The following SPOCK3 variants were observed in gnomAD, a reference collection of about 807,000 sequenced individuals.
SPOCK3 encodes the protein SPARC (osteonectin), cwcv and kazal like domains proteoglycan 3, also known as testican-3.
In SPOCK3, 30 loss-of-function variants were observed where a neutral mutation model predicts 56.6. That is an observed-to-expected ratio of 0.53 (90% CI 0.40 to 0.72). The LOEUF is 0.72. Ranked by LOEUF, SPOCK3 falls within the 30% of genes least tolerant of loss-of-function variation. The probability of loss-of-function intolerance (pLI) is 0.00; values close to 1 mark genes in which losing one functional copy is unlikely to be tolerated. For synonymous variants in SPOCK3, 196 were observed against 183.3 expected, an observed-to-expected ratio of 1.07 and a Z score of -0.56; for missense variants, 527 against 530.0, an observed-to-expected ratio of 0.99 and a Z score of 0.06.
At chr4:167,044,751 C>T (rs1367033362) in intron 3 of SPOCK3, among the ~76,000 whole-genome samples, 1 of 152,014 alleles carries the variant, frequency 6.6e-6, no homozygotes, top group Non-Finnish European at 1.5e-5. Flanking sequence ...TTGATTTCAA[C>T]TTTAATTCCA....
intron 4 of SPOCK3, among the ~76,000 whole-genome samples, chr4:166,922,112 C>T (rs1738560588): frequency 6.6e-6 from 1 of 152,090 alleles, no homozygotes; most frequent in Non-Finnish European, 1.5e-5. Context: ...GTGTTGCCCT[C>T]CTTATGAGAA....
intron 2 of SPOCK3, among the ~76,000 whole-genome samples, chr4:167,147,592 A>G (rs540504638): frequency 6.6e-6 from 1 of 152,342 alleles, no homozygotes; most frequent in African/African-American, 2.4e-5. Context: ...TGGATAAAGA[A>G]AATGTGGCAC....
intron 2 of SPOCK3, among the ~76,000 whole-genome samples, chr4:167,223,562 G>A (rs1006699948): frequency 1.3e-5 from 2 of 151,874 alleles, no homozygotes; most frequent in Admixed American, 1.3e-4. Context: ...AGCCCTGACT[G>A]ATACTAGCTG....
intron 2 of SPOCK3, among the ~76,000 whole-genome samples, chr4:167,150,632 T>A (rs567124288): frequency 6.6e-6 from 1 of 152,284 alleles, no homozygotes; most frequent in South Asian, 2.1e-4. Flanking sequence ...TTGTGATAAA[T>A]CACTATAGTG....
chr4:166,950,930 A>T (rs2150035766), intron 4 of SPOCK3, among the ~76,000 whole-genome samples: 1 of 137,932 alleles, frequency 7.2e-6, no homozygotes, highest in Non-Finnish European at 1.5e-5. Context: ...GGACACATTC[A>T]AAGCAGTGTG....
intron 4 of SPOCK3, among the ~76,000 whole-genome samples, chr4:166,989,371 T>A (rs2150108629): frequency 6.6e-6 from 1 of 152,222 alleles, no homozygotes; most frequent in East Asian, 1.9e-4. Flanking sequence ...GACCTAAGGC[T>A]TAAATTAATA....
intron 6 of SPOCK3, 151 bp from the exon 7 acceptor site, chr4:166,792,440 C>A: frequency 2.9e-6 from 2 of 690,990 alleles, no homozygotes; most frequent in Non-Finnish European, 2.4e-6. Context: ...AAATATATGC[C>A]TTAAAATAAG....
At chr4:167,113,656 G>A (rs1247282705) in intron 2 of SPOCK3, among the ~76,000 whole-genome samples, 7 of 152,034 alleles carry the variant, frequency 4.6e-5, no homozygotes, top group Admixed American at 3.9e-4. Context: ...TACATGCCAA[G>A]TTTCAAGCAA....
chr4:166,784,429 A>G (rs961059252), intron 7 of SPOCK3, among the ~76,000 whole-genome samples: 7 of 152,146 alleles, frequency 4.6e-5, no homozygotes, highest in African/African-American at 1.7e-4. Context: ...GTAATACTTA[A>G]GCATATAATT....
intron 4 of SPOCK3, among the ~76,000 whole-genome samples, chr4:166,997,825 C>T (rs1471333972): frequency 3.9e-5 from 6 of 152,214 alleles, no homozygotes; most frequent in East Asian, 1.9e-4. Flanking sequence ...GAAGAAACAG[C>T]GGGTTTCCTT....
At chr4:167,033,320 G>T (rs2150184782) in intron 3 of SPOCK3, among the ~76,000 whole-genome samples, 1 of 150,238 alleles carries the variant, frequency 6.7e-6, no homozygotes, top group Non-Finnish European at 1.5e-5. Context: ...TAATTCTGGG[G>T]TAAAACAATT....
At chr4:167,171,792 C>T (rs939439689) in intron 2 of SPOCK3, among the ~76,000 whole-genome samples, 2 of 151,782 alleles carry the variant, frequency 1.3e-5, no homozygotes, top group African/African-American at 4.8e-5. Flanking sequence ...TTAGGCATCA[C>T]TATCATGATT....
intron 6 of SPOCK3, among the ~76,000 whole-genome samples, chr4:166,850,508 G>A (rs1020404008): frequency 8.5e-5 from 13 of 152,328 alleles, no homozygotes; most frequent in Middle Eastern, 6.8e-3. Context: ...AGCTCCCAGC[G>A]TGAGCAACGC....
intron 7 of SPOCK3, among the ~76,000 whole-genome samples, chr4:166,769,413 C>A (rs1174263960): frequency 6.6e-6 from 1 of 152,176 alleles, no homozygotes; most frequent in Non-Finnish European, 1.5e-5. Flanking sequence ...ACAGTCAGAA[C>A]CCTCAGCTGC....
rs142123328 is a variant in SPOCK3, at chr4:167,007,179, C to G, written c.236-6716G>C. Reference sequence around the variant, plus strand: ...TAATACCCTGGCTTCTGGCTCTATTCTTCTGTGGCTAACACAGTATATATA... The same window carrying G: ...TAATACCCTGGCTTCTGGCTCTATTGTTCTGTGGCTAACACAGTATATATA... On this transcript the variant is annotated intron_variant, in intron 3 of 10. Coordinates refer to ENST00000357545, the MANE Select transcript of SPOCK3 (RefSeq NM_001040159.2). Among the ~76,000 whole-genome samples the G allele has an allele frequency of 3.1e-3, 471 of 152,262 alleles. 4 individuals are homozygous for G. Among genetic ancestry groups the G allele is most frequent in the African/African-American group, 0.011 (446 of 41,550 alleles).
chr4:166,782,299 T>C (rs1233561798), intron 7 of SPOCK3, among the ~76,000 whole-genome samples: 1 of 152,150 alleles, frequency 6.6e-6, no homozygotes, highest in African/African-American at 2.4e-5. Flanking sequence ...AAATGTATAA[T>C]GTATCTTAAA....
At chr4:166,881,329 A>G (rs934377994) in intron 6 of SPOCK3, among the ~76,000 whole-genome samples, 1 of 151,848 alleles carries the variant, frequency 6.6e-6, no homozygotes, top group Non-Finnish European at 1.5e-5. Flanking sequence ...TATTCCTACG[A>G]TAAATTAATG....
At chr4:166,840,903 C>G (rs897996717) in intron 6 of SPOCK3, among the ~76,000 whole-genome samples, 7 of 151,006 alleles carry the variant, frequency 4.6e-5, no homozygotes, top group Admixed American at 4.0e-4. Context: ...CTCAGCCTCC[C>G]GAGTAGCTGG....
rs116434750 is a variant in SPOCK3 at position 167,154,246 on chromosome 4, C to T, written c.189+79739G>A. The stretch of plus-strand genomic sequence containing the variant: ...CACACACACACACAATGTTTATGAA[C>T]ACTGCATCTAGAAAGAGAGTAAGAT... On this transcript the variant is annotated intron_variant, in intron 2 of 10. Coordinates refer to ENST00000357545, the MANE Select transcript of SPOCK3 (RefSeq NM_001040159.2). Among the ~76,000 whole-genome samples, 534 of 152,014 alleles carry T rather than the reference C, an allele frequency of 3.5e-3. 2 individuals carry two copies. The highest frequency in any genetic ancestry group is 6.2e-3 in the Non-Finnish European group (420 of 67,970).
Sources: allele counts gnomAD v4.1 joint callset (sites outside exome capture counted in the v4.1 genomes callset), GRCh38; gene constraint gnomAD v4.1.1; transcripts MANE v1.5; gene names NCBI Gene and HGNC (gene_info 2026-07-23, HGNC 2026-07-21).